FIRRM: variants seen among roughly 807,000 people sequenced by gnomAD.
FIRRM encodes the protein FIGNL1 interacting regulator of recombination and mitosis, also known as FIGNL1-interacting regulator of recombination and mitosis.
At chr1:169,806,214 T>A in the FIRRM span, 1 of 612,848 alleles carries the variant, frequency 1.6e-6, no homozygotes, top group Non-Finnish European at 2.8e-6. Context: ...CTGACACTGC[T>A]GTCTGATAAT....
At chr1:169,811,149 C>T in the FIRRM span, among the ~76,000 whole-genome samples, 6 of 152,042 alleles carry the variant, frequency 3.9e-5, no homozygotes, top group Admixed American at 2.6e-4. Flanking sequence ...CGTGAGCCAC[C>T]GCGCCCGGCC....
At chr1:169,828,279 T>G in the FIRRM span, among the ~76,000 whole-genome samples, 1 of 152,324 alleles carries the variant, frequency 6.6e-6, no homozygotes, top group South Asian at 2.1e-4. Flanking sequence ...TTTTCACCTC[T>G]TCCTTTATCC....
the FIRRM span, among the ~76,000 whole-genome samples, chr1:169,831,780 G>C: frequency 6.6e-6 from 1 of 151,992 alleles, no homozygotes; most frequent in Non-Finnish European, 1.5e-5. Context: ...TTAGAGACAG[G>C]GTCTCATTCT....
chr1:169,790,599 C>T, the FIRRM span, among the ~76,000 whole-genome samples: 4 of 152,114 alleles, frequency 2.6e-5, no homozygotes, highest in Admixed American at 6.5e-5. Flanking sequence ...TGTCCTGAGC[C>T]CCTAGTTAGA....
At chr1:169,823,949 TAA>T in the FIRRM span, among the ~76,000 whole-genome samples, 2 of 152,216 alleles carry the variant, frequency 1.3e-5, no homozygotes, top group Admixed American at 1.3e-4. Context: ...AGATGGGGGC[TAA>T]GTGACTTCTA....
chr1:169,786,433 A>G, the FIRRM span, among the ~76,000 whole-genome samples: 1 of 152,308 alleles, frequency 6.6e-6, no homozygotes, highest in Non-Finnish European at 1.5e-5. Context: ...AAGATTTTTA[A>G]AACGCAAAGA....
At chr1:169,845,700 C>T in the FIRRM span, among the ~76,000 whole-genome samples, 1 of 149,268 alleles carries the variant, frequency 6.7e-6, no homozygotes, top group Non-Finnish European at 1.5e-5. Flanking sequence ...CAAGTTTGAT[C>T]ATGAGATTGC....
At chr1:169,832,265 A>G in the FIRRM span, 1 of 536,570 alleles carries the variant, frequency 1.9e-6, no homozygotes, top group South Asian at 2.7e-5. Context: ...GATTCATTGA[A>G]GATAAGAAAA....
At chr1:169,795,900 CCTT>C in the FIRRM span, 7 of 985,340 alleles carry the variant, frequency 7.1e-6, no homozygotes, top group South Asian at 4.7e-5. Context: ...GCGCTTAGCG[CCTT>C]CTTCGTCCGG....
At chr1:169,847,610 A>C in the FIRRM span, 4 of 1,042,770 alleles carry the variant, frequency 3.8e-6, no homozygotes, top group South Asian at 4.5e-5. Context: ...CCACATTTCC[A>C]TCCAAATCTT....
chr1:169,828,746 A>C, the FIRRM span, among the ~76,000 whole-genome samples: 6 of 151,972 alleles, frequency 3.9e-5, no homozygotes, highest in African/African-American at 1.2e-4. Flanking sequence ...ATAAGGTCTC[A>C]CTATGTTGCC....
At chr1:169,847,810 T>G in the FIRRM span, 1 of 1,506,218 alleles carries the variant, frequency 6.6e-7, no homozygotes, top group Non-Finnish European at 9.2e-7. Context: ...CCAGGTAATA[T>G]TGCTTAACTC....
chr1:169,830,374 T>C, the FIRRM span: 1 of 1,544,190 alleles, frequency 6.5e-7, no homozygotes, highest in South Asian at 1.1e-5. Flanking sequence ...TTCTTTGGAT[T>C]GGTTATTAGT....
At chr1:169,799,969 C>T in the FIRRM span, among the ~76,000 whole-genome samples, 22 of 152,332 alleles carry the variant, frequency 1.4e-4, 1 homozygote, top group East Asian at 4.2e-3. Flanking sequence ...AGCTATTCTC[C>T]TGCCTCCATC....
At chr1:169,837,173 A>C in the FIRRM span, 1 of 1,404,532 alleles carries the variant, frequency 7.1e-7, no homozygotes, top group Non-Finnish European at 9.5e-7. Flanking sequence ...GCATTGTTTT[A>C]GGTACTGGGG....
At chr1:169,833,942 C>T in the FIRRM span, among the ~76,000 whole-genome samples, 3 of 149,436 alleles carry the variant, frequency 2.0e-5, no homozygotes, top group East Asian at 2.0e-4. Context: ...CCTCCTGCCT[C>T]GGCGTCCCAA....
At chr1:169,836,382 C>G in the FIRRM span, among the ~76,000 whole-genome samples, 1 of 152,102 alleles carries the variant, frequency 6.6e-6, no homozygotes, top group Admixed American at 6.5e-5. Context: ...ATGGATTTGC[C>G]AACCACGCTC....
the FIRRM span, among the ~76,000 whole-genome samples, chr1:169,786,352 C>T: frequency 6.6e-6 from 1 of 152,096 alleles, no homozygotes; most frequent in Non-Finnish European, 1.5e-5. Context: ...GCAAAGCAAA[C>T]AGGATGCAGA....
chr1:169,796,426 T>C, the FIRRM span, among the ~76,000 whole-genome samples: 1 of 152,240 alleles, frequency 6.6e-6, no homozygotes, highest in Non-Finnish European at 1.5e-5. Flanking sequence ...AAACGACATA[T>C]TCAAAAAAGC....
Sources: allele counts gnomAD v4.1 joint callset (sites outside exome capture counted in the v4.1 genomes callset), GRCh38; gene constraint gnomAD v4.1.1; transcripts MANE v1.5; gene names NCBI Gene and HGNC (gene_info 2026-07-23, HGNC 2026-07-21).